ADGRB1: variants seen among roughly 807,000 people sequenced by gnomAD.
ADGRB1 encodes brain-specific angiogenesis inhibitor 1.
A neutral mutation model predicts 175.7 loss-of-function variants in ADGRB1; 36 were observed. The ratio of observed to expected loss-of-function variants is 0.20; its 90% CI spans 0.16 to 0.27. The LOEUF (loss-of-function observed/expected upper bound fraction) is 0.27, where lower values mean the gene tolerates loss of function less well. Among genes scored for constraint, ADGRB1 ranks in the 10% least tolerant of loss-of-function variants. The pLI is 1.00. For synonymous variants in ADGRB1, 1,054 were observed against 979.4 expected, an observed-to-expected ratio of 1.08 and a Z score of -1.42; for missense variants, 1,731 against 2,255.3, an observed-to-expected ratio of 0.77 and a Z score of 4.71.
chr8:142,465,463 G>A (rs1261756157), intron 2 of ADGRB1, among the ~76,000 whole-genome samples: 8 of 152,122 alleles, frequency 5.3e-5, no homozygotes, highest in Non-Finnish European at 1.0e-4. Context: ...GACTCGGGCT[G>A]CGTGGAAGGG....
At chr8:142,497,467 C>T (rs1264982036) in intron 17 of ADGRB1, among the ~76,000 whole-genome samples, 1 of 150,878 alleles carries the variant, frequency 6.6e-6, no homozygotes, top group East Asian at 2.0e-4. Context: ...CCACGCCGGC[C>T]GGTTCCTGAT....
intron 11 of ADGRB1, among the ~76,000 whole-genome samples, chr8:142,482,401 C>G (rs1427520913): frequency 6.7e-6 from 1 of 149,456 alleles, no homozygotes; most frequent in Admixed American, 6.7e-5. Flanking sequence ...CACTCAGAAC[C>G]CTGACACTGG....
chr8:142,522,771 C>T (rs1232147408), intron 22 of ADGRB1, 61 bp downstream of exon 22: 1 of 1,389,546 alleles, frequency 7.2e-7, no homozygotes, highest in Non-Finnish European at 9.4e-7. Context: ...ACTTCCACCG[C>T]CCTGGAGGGT....
intron 24 of ADGRB1, among the ~76,000 whole-genome samples, chr8:142,528,883 C>T (rs2132186184): frequency 6.6e-6 from 1 of 152,348 alleles, no homozygotes; most frequent in East Asian, 1.9e-4. Flanking sequence ...TGGGGCCGGG[C>T]CTGGGCACAG....
intron 9 of ADGRB1, 101 bp from the exon 10 acceptor site, chr8:142,481,153 G>A (rs1028831037): frequency 6.8e-5 from 73 of 1,077,558 alleles, no homozygotes; most frequent in Non-Finnish European, 9.5e-5. Context: ...TGTTTCTGGG[G>A]GCCACAGGGT....
intron 1 of ADGRB1, among the ~76,000 whole-genome samples, chr8:142,450,971 A>G (rs1839312512): frequency 1.3e-5 from 2 of 152,080 alleles, no homozygotes; most frequent in African/African-American, 4.8e-5. Flanking sequence ...GTCGCCGGTG[A>G]GCAGAGGCCG....
At chr8:142,526,342 G>A (rs1396998734) in intron 23 of ADGRB1, among the ~76,000 whole-genome samples, 200 bp from the exon 24 acceptor site, 2 of 152,312 alleles carry the variant, frequency 1.3e-5, no homozygotes, top group Middle Eastern at 6.8e-3. Context: ...CACAGAGAGG[G>A]CCCTGCACAG....
intron 20 of ADGRB1, among the ~76,000 whole-genome samples, chr8:142,521,655 C>T (rs1269242735): frequency 1.3e-5 from 2 of 152,240 alleles, no homozygotes; most frequent in Admixed American, 1.3e-4. Context: ...GGGCTTACTA[C>T]CTCCTGAACG....
Position 142,544,366 on chromosome 8 carries a change from C to T in ADGRB1, c.4704C>T (p.Ala1568=). Residue 1568 remains alanine (A), a synonymous_variant, in exon 31 of 31, where the codon GCC becomes GCT. Coordinates refer to ENST00000517894, the MANE Select transcript of ADGRB1 (RefSeq NM_001702.3). Reference sequence around the variant, plus strand: ...GCGTGGAGTGGGAGAGGTCGGGCGCCACGATCCCGCTGGTGGGCCAGGACA... The same window carrying T: ...GCGTGGAGTGGGAGAGGTCGGGCGCTACGATCCCGCTGGTGGGCCAGGACA... ...LRSVEWERSG[A]TIPLVGQDII... 1.3e-6 allele frequency: 2 copies of T among 1,535,138 alleles called. No homozygotes were observed. Among genetic ancestry groups the T allele is most frequent in the Non-Finnish European group, 1.8e-6 (2 of 1,139,050 alleles).
At position 142,449,990 on chromosome 8, in the gene ADGRB1, C is replaced by T. The variant is rs929375567; in HGVS notation, c.-334C>T. On this transcript the variant is annotated 5_prime_UTR_variant, in exon 1 of 31. Transcript: ENST00000517894. The stretch of plus-strand genomic sequence containing the variant: ...CGGGGGCGGCGGCGGCTGGAGGAGC[C>T]CCCCCCACCTCCGGTCGGGCGCCCG... The T allele has an allele frequency of 6.7e-6, 1 of 150,032 alleles. No homozygotes were observed. The highest frequency in any genetic ancestry group is 2.0e-4 in the East Asian group (1 of 5,046). The allele number at this position is 150,032 out of a possible 1,614,324, so 9.3% of individuals were successfully genotyped here.
chr8:142,512,946 C>T (rs954215938), intron 18 of ADGRB1, among the ~76,000 whole-genome samples: 11 of 149,858 alleles, frequency 7.3e-5, no homozygotes, highest in East Asian at 2.0e-4. Context: ...GGGGAGGAAG[C>T]GGCTGCTCTG....
At chr8:142,483,144 C>T (rs1841454473) in intron 11 of ADGRB1, among the ~76,000 whole-genome samples, 1 of 149,608 alleles carries the variant, frequency 6.7e-6, no homozygotes, top group South Asian at 2.1e-4. Flanking sequence ...ATGCTGAACC[C>T]TGATCCTGGT....
intron 25 of ADGRB1, 23 bp downstream of exon 25, chr8:142,533,489 G>T: frequency 6.4e-7 from 1 of 1,572,724 alleles, no homozygotes. Context: ...GCCTCTGTCG[G>T]GCCGGGCTCC....
chr8:142,522,020 G>C lies in ADGRB1; in HGVS notation c.3080G>C (p.Cys1027Ser). The part of the protein sequence containing the change: ...FLHFFFLSSF[C>S]WVLTEAWQSY... ...CACTTCTTCTTCCTGTCCTCCTTCT[G>C]CTGGGTGCTCACCGAGGCCTGGCAG... The change falls in exon 21 of 31, where the codon TGC becomes TCC. Residue 1027 changes from cysteine to serine, a missense_variant. By Grantham distance (112) the Cys-to-Ser change is moderately radical. Coordinates refer to ENST00000517894, the MANE Select transcript of ADGRB1 (RefSeq NM_001702.3). The C allele has an allele frequency of 4.3e-6, 7 of 1,612,142 alleles. No individual in the cohort carries two copies. The highest frequency in any genetic ancestry group is 5.9e-6 in the Non-Finnish European group (7 of 1,179,324).
In ADGRB1 at chr8:142,544,481, G is replaced by A. The variant is rs1228178303; in HGVS notation, c.*64G>A. 2.1e-5 allele frequency: 29 copies of A among 1,408,336 alleles called. No individual in the cohort carries two copies. The highest frequency in any genetic ancestry group is 3.0e-5 in the South Asian group (2 of 66,616). The allele number at this position is 1,408,336 out of a possible 1,614,324, so 87.2% of individuals were successfully genotyped here. A position where few individuals can be genotyped will look rare whatever the true frequency, so the allele number is the denominator to read the frequency against. ...GGATGCTGCTCCGCCCGCTCCTGCC[G>A]CAGACGGGCACAGACACGCTCGCGG... is the stretch of plus-strand genomic sequence containing the variant. On this transcript the variant is annotated 3_prime_UTR_variant, in exon 31 of 31. Transcript: ENST00000517894.
intron 19 of ADGRB1, among the ~76,000 whole-genome samples, chr8:142,518,902 C>G (rs1231353897): frequency 6.6e-6 from 1 of 152,224 alleles, no homozygotes; most frequent in Non-Finnish European, 1.5e-5. Context: ...CCAGAGGACA[C>G]GTGGCTCCGG....
In ADGRB1 at chr8:142,537,166, A is replaced by C; in HGVS notation, c.3666+84A>C. 9.0e-7 allele frequency: 1 copy of C among 1,114,392 alleles called. No individual in the cohort carries two copies. Among genetic ancestry groups the C allele is most frequent in the East Asian group, 3.0e-5 (1 of 32,944 alleles). 69.0% of individuals were successfully genotyped at this position (1,114,392 alleles called of 1,614,324 possible). A position where few individuals can be genotyped will look rare whatever the true frequency, so the allele number is the denominator to read the frequency against. ...GCCTCCAGGCCCTCACCGTGCCCCAAGCTCCCCTAGGCCCCAGCAACCCTG... is the reference window on the plus strand; with the variant it reads ...GCCTCCAGGCCCTCACCGTGCCCCACGCTCCCCTAGGCCCCAGCAACCCTG... On this transcript the variant is annotated intron_variant, in intron 26 of 30. Transcript: ENST00000517894. The surrounding 1 kb of genome is among the most constrained non-coding windows in gnomAD (Gnocchi z 4.6).
chr8:142,536,895 C>T (rs1844959595), intron 25 of ADGRB1, 92 bp from the exon 26 acceptor site: 2 of 1,129,086 alleles, frequency 1.8e-6, no homozygotes, highest in African/African-American at 3.2e-5. Flanking sequence ...CCCCGAGACG[C>T]CCGCCCCCCC....
intron 2 of ADGRB1, 34 bp from the exon 3 acceptor site, chr8:142,475,440 C>G (rs759919975): frequency 2.0e-5 from 25 of 1,276,524 alleles, no homozygotes; most frequent in Admixed American, 3.3e-5. Context: ...AGCCCCTGCC[C>G]TGCCCTGATC....
Sources: gnomAD v4.1 joint callset for allele counts (sites outside exome capture counted in the v4.1 genomes callset) on GRCh38, gnomAD v4.1.1 for gene constraint, Gnocchi (gnomAD v3.1) non-coding constraint, MANE v1.5 for transcripts, NCBI Gene and HGNC (gene_info 2026-07-23, HGNC 2026-07-21) for gene names.